ATAD2B: variants seen among roughly 807,000 people sequenced by gnomAD.
ATAD2B encodes the protein ATPase family AAA domain-containing protein 2B.
In ATAD2B, 40 loss-of-function variants were observed where a neutral mutation model predicts 167.6. The observed-to-expected ratio is 0.24, with a 90% CI of 0.19 to 0.31. The LOEUF (loss-of-function observed/expected upper bound fraction) is 0.31. Among genes scored for constraint, ATAD2B ranks in the 10% least tolerant of loss-of-function variants. The pLI is 1.00. For missense variants in ATAD2B, 1,242 were observed against 1,757.2 expected, an observed-to-expected ratio of 0.71 and a Z score of 5.24; for synonymous variants, 579 against 596.5, an observed-to-expected ratio of 0.97 and a Z score of 0.43.
the ATAD2B span, chr2:23,691,500 CTCT>C: frequency 4.8e-5 from 29 of 609,630 alleles, no homozygotes; most frequent in Non-Finnish European, 7.6e-5. Flanking sequence ...TCTGGTCAGA[CTCT>C]TCTCTTTCAG....
intron 18 of ATAD2B, among the ~76,000 whole-genome samples, chr2:23,808,068 A>AT (rs1553398229): frequency 1.6e-5 from 1 of 60,952 alleles, no homozygotes; most frequent in African/African-American, 8.3e-5. Context: ...TATAAATTAT[A>AT]ATATATAAGT....
At chr2:23,807,289 CAT>C (rs1684552722) in intron 18 of ATAD2B, among the ~76,000 whole-genome samples, 2 of 42,606 alleles carry the variant, frequency 4.7e-5, no homozygotes, top group African/African-American at 1.5e-4. Context: ...CATGCACACA[CAT>C]ACACACACTA....
chr2:23,807,803 G>A (rs1203297729), intron 18 of ATAD2B, among the ~76,000 whole-genome samples: 1 of 109,784 alleles, frequency 9.1e-6, no homozygotes, highest in East Asian at 3.0e-4. Flanking sequence ...GCAACAGAGC[G>A]TGACTCCATC....
intron 14 of ATAD2B, among the ~76,000 whole-genome samples, chr2:23,832,949 A>C (rs981527279): frequency 6.6e-6 from 1 of 152,224 alleles, no homozygotes; most frequent in African/African-American, 2.4e-5. Context: ...TAAACACACC[A>C]ATATGCACTG....
intron 9 of ATAD2B, 42 bp from the exon 10 acceptor site, chr2:23,867,988 TCACATTTTTA>T (rs1159066011): frequency 2.2e-6 from 3 of 1,356,068 alleles, no homozygotes. Context: ...ATTAAAAGTT[TCACATTTTTA>T]ATGTCAAAAT....
intron 16 of ATAD2B, among the ~76,000 whole-genome samples, chr2:23,821,894 T>C (rs1179330103): frequency 6.6e-6 from 1 of 152,182 alleles, no homozygotes; most frequent in Non-Finnish European, 1.5e-5. Context: ...CCTCAGGTGA[T>C]CCACCCGCCT....
chr2:23,704,944 A>C, the ATAD2B span, among the ~76,000 whole-genome samples: 1 of 152,238 alleles, frequency 6.6e-6, no homozygotes, highest in Non-Finnish European at 1.5e-5. Flanking sequence ...ACCTCCTACT[A>C]GCATGTCAGT....
chr2:23,848,830 C>T (rs1000800467), intron 13 of ATAD2B, among the ~76,000 whole-genome samples: 2 of 152,064 alleles, frequency 1.3e-5, no homozygotes, highest in Non-Finnish European at 2.9e-5. Flanking sequence ...GTATAAGTGT[C>T]CATTTTGAAG....
At chr2:23,823,974 C>T (rs1449265519) in intron 15 of ATAD2B, among the ~76,000 whole-genome samples, 2 of 151,448 alleles carry the variant, frequency 1.3e-5, no homozygotes, top group Non-Finnish European at 2.9e-5. Context: ...AGACAGGGGT[C>T]TCACTCTGTT....
chr2:23,780,959 C>T (rs985883552), intron 22 of ATAD2B, among the ~76,000 whole-genome samples: 2 of 152,048 alleles, frequency 1.3e-5, no homozygotes, highest in African/African-American at 4.8e-5. Flanking sequence ...ATAACAAAAA[C>T]TTAAATGAAT....
At chr2:23,805,613 CAT>C (rs1189846681) in intron 18 of ATAD2B, among the ~76,000 whole-genome samples, 1 of 152,178 alleles carries the variant, frequency 6.6e-6, no homozygotes, top group South Asian at 2.1e-4. Flanking sequence ...AATTCCTAAA[CAT>C]AGAATTCCTG....
At chr2:23,818,807 C>A (rs2149612070) in intron 17 of ATAD2B, among the ~76,000 whole-genome samples, 1 of 152,302 alleles carries the variant, frequency 6.6e-6, no homozygotes, top group Non-Finnish European at 1.5e-5. Flanking sequence ...TATTTGAAAA[C>A]TATTTGGCCT....
intron 1 of ATAD2B, among the ~76,000 whole-genome samples, chr2:23,911,879 G>A (rs1408602703): frequency 6.6e-6 from 1 of 151,506 alleles, no homozygotes; most frequent in Admixed American, 6.6e-5. Flanking sequence ...GGAGGCTGGG[G>A]CAGGAGAATT....
chr2:23,708,472 A>G, the ATAD2B span: 1 of 152,214 alleles, frequency 6.6e-6, no homozygotes, highest in African/African-American at 2.4e-5. Flanking sequence ...TTCTCTCCTC[A>G]TCTATCACAC....
intron 7 of ATAD2B, among the ~76,000 whole-genome samples, chr2:23,877,734 C>A (rs1397560282): frequency 6.7e-6 from 1 of 150,136 alleles, no homozygotes; most frequent in East Asian, 2.0e-4. Flanking sequence ...TAGCCAGGCA[C>A]GGTTAATCCC....
chr2:23,701,124 T>A, the ATAD2B span, among the ~76,000 whole-genome samples: 1 of 152,102 alleles, frequency 6.6e-6, no homozygotes. Context: ...TCCCTCAACC[T>A]TCCCATCCCA....
chr2:23,894,341 C>T (rs1411797784), intron 2 of ATAD2B, among the ~76,000 whole-genome samples: 2 of 151,784 alleles, frequency 1.3e-5, no homozygotes, highest in East Asian at 1.9e-4. Context: ...ATTAGCTGGG[C>T]GTGGTGGCGC....
At chr2:23,883,635 G>T (rs2150239954) in intron 6 of ATAD2B, 1 of 1,289,282 alleles carries the variant, frequency 7.8e-7, no homozygotes, top group Non-Finnish European at 1.0e-6. Context: ...AGAGGTTCTA[G>T]CTGTAACAAC....
intron 12 of ATAD2B, among the ~76,000 whole-genome samples, chr2:23,861,149 C>CTTTT (rs34830213): frequency 7.3e-6 from 1 of 136,360 alleles, no homozygotes; most frequent in Non-Finnish European, 1.6e-5. Flanking sequence ...TGTTTTTTTC[C>CTTTT]TTTTTTTTTT....
Sources: gnomAD v4.1 joint callset for allele counts (sites outside exome capture counted in the v4.1 genomes callset) on GRCh38, gnomAD v4.1.1 for gene constraint, MANE v1.5 for transcripts, NCBI Gene and HGNC (gene_info 2026-07-23, HGNC 2026-07-21) for gene names.